The following GALNT12 variants were observed in gnomAD, a reference collection of about 807,000 sequenced individuals.
The protein encoded by GALNT12 is UDP-GalNAc:polypeptide N-acetylgalactosaminyltransferase 12.
In GALNT12, 45 loss-of-function variants were observed where a neutral mutation model predicts 55.5. The ratio of observed to expected loss-of-function variants is 0.81; its 90% CI spans 0.64 to 1.04. The LOEUF (loss-of-function observed/expected upper bound fraction) is 1.04, where lower values mean the gene tolerates loss of function less well. GALNT12 is among the 50% of genes least tolerant of loss of function. The pLI, the probability that GALNT12 is intolerant of heterozygous loss-of-function variation, is 0.00. For missense variants in GALNT12, 709 were observed against 754.8 expected (o/e 0.94, Z 0.71); for synonymous variants, 304 against 312.2 (o/e 0.97, Z 0.28).
At chr9:98,844,239 CT>C (rs1312670671) in intron 8 of GALNT12, 30 bp downstream of exon 8, 4 of 1,343,576 alleles carry the variant, frequency 3.0e-6, no homozygotes, top group Admixed American at 3.4e-5. Context: ...GAGGAGAAAG[CT>C]GTGTGTTTTG....
At chr9:98,817,521 T>C (rs929790565) in intron 1 of GALNT12, among the ~76,000 whole-genome samples, 3 of 152,136 alleles carry the variant, frequency 2.0e-5, no homozygotes, top group Non-Finnish European at 1.5e-5. Context: ...TGGAGTGCAA[T>C]GGCGCGATCT....
chr9:98,833,308 T>C (rs1836047256), intron 4 of GALNT12, among the ~76,000 whole-genome samples: 1 of 152,184 alleles, frequency 6.6e-6, no homozygotes. Flanking sequence ...ATTTGGCAGT[T>C]GGGCTTCTGA....
At chr9:98,824,475 C>T (rs1482568106) in intron 2 of GALNT12, among the ~76,000 whole-genome samples, 2 of 152,194 alleles carry the variant, frequency 1.3e-5, no homozygotes, top group Non-Finnish European at 2.9e-5. Context: ...AGCGTGGTTG[C>T]CTGGCCACGT....
chr9:98,831,967 T>C lies in GALNT12; in HGVS notation c.917+10T>C, dbSNP rs1041445658. 1 of 1,611,776 alleles carries C rather than the reference T, an allele frequency of 6.2e-7. No individual in the cohort carries two copies. Reference sequence around the variant, plus strand: ...CCGTCGATGTCATCAGGTCAGGAGCTGACTTCTGGGTGACTTGTTTTTTAA... The same window carrying C: ...CCGTCGATGTCATCAGGTCAGGAGCCGACTTCTGGGTGACTTGTTTTTTAA... On this transcript the variant is annotated intron_variant, in intron 4 of 9. Transcript: ENST00000375011.
Position 98,838,490 on chromosome 9 carries a change from T to TGTCG in GALNT12, c.1212+1343_1212+1344insTCGG, listed in dbSNP as rs1248742858. On this transcript the variant is annotated intron_variant, in intron 6 of 9. Transcript: ENST00000375011. The stretch of plus-strand genomic sequence containing the variant: ...CCACTGCACTGAGTCTGTCGGAGGC[T>TGTCG]GAGGTTCAGCCCAGACTGTGTCCTT... Among the ~76,000 whole-genome samples, 4 of 152,362 alleles carry TGTCG rather than the reference T, an allele frequency of 2.6e-5. No homozygotes were observed. The East Asian group carries it at 7.7e-4, about 29-fold the overall frequency.
rs1588436209 is a variant in GALNT12 at position 98,807,865 on chromosome 9, C to T, written c.167C>T (p.Pro56Leu). 9.9e-7 allele frequency: 1 copy of T among 1,013,344 alleles called. No individual in the cohort carries two copies. The highest frequency in any genetic ancestry group is 1.2e-6 in the Non-Finnish European group (1 of 850,214). The allele number at this position is 1,013,344 out of a possible 1,614,324, so 62.8% of individuals were successfully genotyped here. A position where few individuals can be genotyped will look rare whatever the true frequency, so the allele number is the denominator to read the frequency against. The change falls in exon 1 of 10, where the codon CCG (proline) becomes CTG (leucine). Residue 56 changes from proline (P) to leucine (L), a missense_variant. Coordinates refer to ENST00000375011, the MANE Select transcript of GALNT12 (RefSeq NM_024642.5). ...GCCGAGCCGGGACCCCCGCGCACCCCGCGCCCCGGGCGGCGCGAGCCGGTC... is the reference window on the plus strand; with the variant it reads ...GCCGAGCCGGGACCCCCGCGCACCCTGCGCCCCGGGCGGCGCGAGCCGGTC... The part of the protein sequence containing the change: ...GAAEPGPPRT[P>L]RPGRREPVMP...
At chr9:98,847,510 G>T (rs1158521570) in intron 9 of GALNT12, 15 of 152,150 alleles carry the variant, frequency 9.9e-5, no homozygotes, top group Admixed American at 9.8e-4. Flanking sequence ...AATAAAATCA[G>T]TTTGACATAT....
In GALNT12 at chr9:98,833,051, G is replaced by A. The variant is rs530290773; in HGVS notation, c.917+1094G>A. On this transcript the variant is annotated intron_variant, in intron 4 of 9. Transcript: ENST00000375011. ...GGCCCCTTTGACCTGGGGTGTGGGTGGATCCATGGCAGGTGGAGGAGTCTG... is the reference window on the plus strand; with the variant it reads ...GGCCCCTTTGACCTGGGGTGTGGGTAGATCCATGGCAGGTGGAGGAGTCTG... 1.1e-4 allele frequency among the ~76,000 whole-genome samples: 16 copies of A among 152,234 alleles called. No homozygotes were observed. The East Asian group carries it at 2.1e-3, about 20-fold the overall frequency.
chr9:98,845,444 T>C (rs1438690155), intron 8 of GALNT12, among the ~76,000 whole-genome samples: 4 of 152,166 alleles, frequency 2.6e-5, no homozygotes, highest in African/African-American at 9.7e-5. Context: ...ACAGTCACTG[T>C]AGGTAGTTCC....
intron 1 of GALNT12, among the ~76,000 whole-genome samples, chr9:98,816,782 C>T (rs978990241): frequency 6.7e-6 from 1 of 150,114 alleles, no homozygotes; most frequent in African/African-American, 2.5e-5. Flanking sequence ...TCCTGAGTAG[C>T]TGGGACTACA....
chr9:98,832,584 G>A lies in GALNT12; in HGVS notation c.917+627G>A, dbSNP rs182308500. 2.1e-3 allele frequency among the ~76,000 whole-genome samples: 315 copies of A among 152,254 alleles called. 1 individual carries two copies. Among genetic ancestry groups the A allele is most frequent in the Middle Eastern group, 6.8e-3 (2 of 294 alleles). On this transcript the variant is annotated intron_variant, in intron 4 of 9. Coordinates refer to ENST00000375011, the MANE Select transcript of GALNT12 (RefSeq NM_024642.5). ...TGGCATCGAGCACATTCACGGTATT[G>A]TGCAAACATGATCTTTACCTATTTC... is the stretch of plus-strand genomic sequence containing the variant.
At chr9:98,839,712 C>T (rs1339638076) in intron 6 of GALNT12, among the ~76,000 whole-genome samples, 3 of 152,184 alleles carry the variant, frequency 2.0e-5, no homozygotes, top group South Asian at 4.1e-4. Flanking sequence ...GGGCTTGGCT[C>T]CTTCACTCCA....
At chr9:98,839,948 T>G in intron 6 of GALNT12, 54 bp from the exon 7 acceptor site, 1 of 1,611,958 alleles carries the variant, frequency 6.2e-7, no homozygotes, top group Non-Finnish European at 8.5e-7. Context: ...ACACAGGGGC[T>G]TTGAAAGGAA....
chr9:98,819,857 C>A (rs575371540), intron 1 of GALNT12, among the ~76,000 whole-genome samples: 1 of 152,242 alleles, frequency 6.6e-6, no homozygotes, highest in East Asian at 1.9e-4. Context: ...AAGATCTCAG[C>A]CCAGTACATA....
intron 3 of GALNT12, among the ~76,000 whole-genome samples, 190 bp downstream of exon 3, chr9:98,827,131 T>A (rs1835876537): frequency 6.6e-6 from 1 of 152,232 alleles, no homozygotes. Context: ...GCATGGCAAG[T>A]GCCTGGGAGT....
chr9:98,844,557 T>G (rs780415887), intron 8 of GALNT12: 1 of 292,448 alleles, frequency 3.4e-6, no homozygotes, highest in African/African-American at 2.2e-5. Context: ...TATTACTGTT[T>G]CGTTAACTGG....
At chr9:98,823,461 C>T (rs1835791812) in intron 2 of GALNT12, 36 bp downstream of exon 2, 1 of 1,592,376 alleles carries the variant, frequency 6.3e-7, no homozygotes, top group African/African-American at 1.3e-5. Context: ...AGAGCCTGTC[C>T]TTCTGTAGCA....
At position 98,849,681 on chromosome 9, in the gene GALNT12, C is replaced by T. The variant is rs1252016074; in HGVS notation, c.*589C>T. Reference sequence around the variant, plus strand: ...TGTGTTGCTACCACAGTTAACACTCCATAATGTTCATGTCAGCCAAAGAGG... The same window carrying T: ...TGTGTTGCTACCACAGTTAACACTCTATAATGTTCATGTCAGCCAAAGAGG... On this transcript the variant is annotated 3_prime_UTR_variant, in exon 10 of 10. Coordinates refer to ENST00000375011, the MANE Select transcript of GALNT12 (RefSeq NM_024642.5). 4 of 404,326 alleles carry T rather than the reference C, an allele frequency of 9.9e-6. No homozygotes were observed. 25.0% of individuals were successfully genotyped at this position (404,326 alleles called of 1,614,324 possible).
At chr9:98,840,741 T>C (rs1025450822) in intron 7 of GALNT12, among the ~76,000 whole-genome samples, 2 of 152,304 alleles carry the variant, frequency 1.3e-5, no homozygotes, top group East Asian at 1.9e-4. Context: ...TTCAAACATA[T>C]AGAAATGCAG....
Sources: allele counts gnomAD v4.1 joint callset (sites outside exome capture counted in the v4.1 genomes callset), GRCh38; gene constraint gnomAD v4.1.1; transcripts MANE v1.5; gene names NCBI Gene and HGNC (gene_info 2026-07-23, HGNC 2026-07-21).